TRIO: variants seen among roughly 807,000 people sequenced by gnomAD.
The protein encoded by TRIO is trio Rho guanine nucleotide exchange factor.
In TRIO, 58 loss-of-function variants were observed where a neutral mutation model predicts 351.9. That is an observed-to-expected ratio of 0.16 (90% CI 0.13 to 0.21). The LOEUF (loss-of-function observed/expected upper bound fraction) is 0.21, where lower values mean the gene tolerates loss of function less well. TRIO is among the 10% of genes least tolerant of loss of function. The probability of loss-of-function intolerance (pLI) is 1.00; values close to 1 mark genes in which losing one functional copy is unlikely to be tolerated. For missense variants in TRIO, 3,201 were observed against 4,027.8 expected, an observed-to-expected ratio of 0.79 and a Z score of 5.56; for synonymous variants, 1,758 against 1,595.7, an observed-to-expected ratio of 1.10 and a Z score of -2.42.
intron 1 of TRIO, among the ~76,000 whole-genome samples, chr5:14,150,529 T>C (rs949814054): frequency 1.3e-5 from 2 of 152,064 alleles, no homozygotes; most frequent in Admixed American, 6.6e-5. Flanking sequence ...CAAAGGATTA[T>C]ATATATGTAA....
intron 1 of TRIO, among the ~76,000 whole-genome samples, chr5:14,152,817 A>G (rs1056789452): frequency 1.3e-5 from 2 of 152,236 alleles, no homozygotes; most frequent in Non-Finnish European, 2.9e-5. Flanking sequence ...AGATCAGTGC[A>G]TCCTGATGGG....
intron 43 of TRIO, among the ~76,000 whole-genome samples, chr5:14,480,796 G>A (rs1288164816): frequency 6.6e-6 from 1 of 152,020 alleles, no homozygotes; most frequent in East Asian, 1.9e-4. Flanking sequence ...TGATAAAGTA[G>A]AACTAAGGCA....
At position 14,465,852 on chromosome 5, in the gene TRIO, T is replaced by G. The variant is rs551169788; in HGVS notation, c.5763+212T>G. 8.8e-5 allele frequency: 51 copies of G among 579,712 alleles called. No individual in the cohort carries two copies. The South Asian group carries it at 9.3e-4, about 11-fold the overall frequency. 35.9% of individuals were successfully genotyped at this position (579,712 alleles called of 1,614,324 possible). A position where few individuals can be genotyped will look rare whatever the true frequency, so the allele number is the denominator to read the frequency against. ...CCATTATTCCCACATTTGCAGTGTA[T>G]TCCCATGAAAGGACACAGATCAAAA... On this transcript the variant is annotated intron_variant, in intron 37 of 56. Transcript: ENST00000344204.
At chr5:14,506,256 A>T (rs1757674662) in intron 55 of TRIO, among the ~76,000 whole-genome samples, 1 of 152,248 alleles carries the variant, frequency 6.6e-6, no homozygotes, top group Non-Finnish European at 1.5e-5. Flanking sequence ...TCTGGGAAAC[A>T]AAATGGTTTG....
At chr5:14,182,607 T>C (rs1789855945) in intron 1 of TRIO, among the ~76,000 whole-genome samples, 1 of 152,232 alleles carries the variant, frequency 6.6e-6, no homozygotes, top group Admixed American at 6.5e-5. Flanking sequence ...AATTTACATG[T>C]AGGAGCTTGG....
intron 7 of TRIO, among the ~76,000 whole-genome samples, chr5:14,298,435 A>G (rs1178289422): frequency 6.6e-6 from 1 of 152,214 alleles, no homozygotes; most frequent in Non-Finnish European, 1.5e-5. Context: ...TGCTTAATTT[A>G]AAAAGGAAAA....
chr5:14,318,138 A>C (rs537991985), intron 9 of TRIO, among the ~76,000 whole-genome samples: 3 of 151,440 alleles, frequency 2.0e-5, no homozygotes, highest in Non-Finnish European at 4.4e-5. Context: ...AAAGAAAAAA[A>C]AAAAAATTAG....
Position 14,394,002 on chromosome 5 carries a change from A to G in TRIO, c.4219-36A>G, listed in dbSNP as rs371239373. 7.0e-5 allele frequency: 102 copies of G among 1,454,194 alleles called. No homozygotes were observed. In the African/African-American group the frequency reaches 1.4e-3, roughly 20 times the overall value. The allele number at this position is 1,454,194 out of a possible 1,614,324, so 90.1% of individuals were successfully genotyped here. A position where few individuals can be genotyped will look rare whatever the true frequency, so the allele number is the denominator to read the frequency against. On this transcript the variant is annotated intron_variant, in intron 27 of 56. Transcript: ENST00000344204. ...GGCCATGATTTAATAGTGTAGCCCT[A>G]TGATAACTCTTGTTTCTTGTTTGGT...
chr5:14,483,285 A>G (rs151291434), intron 46 of TRIO, among the ~76,000 whole-genome samples: 2 of 152,314 alleles, frequency 1.3e-5, no homozygotes, highest in African/African-American at 4.8e-5. Context: ...ATAATTGCCA[A>G]TGGCCCTCAA....
At chr5:14,354,023 C>G (rs1743384782) in intron 11 of TRIO, among the ~76,000 whole-genome samples, 1 of 152,208 alleles carries the variant, frequency 6.6e-6, no homozygotes, top group Admixed American at 6.5e-5. Context: ...GAGTTGGGTC[C>G]TTGAGTGAGG....
Position 14,381,181 on chromosome 5 carries a change from T to G in TRIO, c.3499T>G (p.Ser1167Ala), listed in dbSNP as rs1746069160. 9 of 1,614,096 alleles carry G rather than the reference T, an allele frequency of 5.6e-6. No homozygotes were observed. In the East Asian group the frequency reaches 2.0e-4, roughly 36 times the overall value. The part of the protein sequence containing the change: ...NGEFYLSTHT[S>A]TGSSIQHTQE... Reference sequence around the variant, plus strand: ...CGAGTTCTACCTTTCCACACACACCTCCACGGGCTCCAGTATACAGCACAC... The same window carrying G: ...CGAGTTCTACCTTTCCACACACACCGCCACGGGCTCCAGTATACAGCACAC... The change falls in exon 21 of 57, where the codon TCC becomes GCC. Residue 1167 changes from serine to alanine, a missense_variant. Around this residue, in one of 19 missense-constraint regions of TRIO, gnomAD observed 201 missense variants for 266.5 expected, o/e 0.75. Transcript: ENST00000344204.
chr5:14,377,845 G>GCAT (rs1299232826), intron 19 of TRIO, among the ~76,000 whole-genome samples, 167 bp from the exon 20 acceptor site: 7 of 152,116 alleles, frequency 4.6e-5, no homozygotes, highest in Non-Finnish European at 7.3e-5. Flanking sequence ...AGTGAGAAGA[G>GCAT]GTCTGGTAGA....
chr5:14,257,682 ATTAT>A (rs1018055108), intron 1 of TRIO, among the ~76,000 whole-genome samples: 5 of 152,302 alleles, frequency 3.3e-5, no homozygotes, highest in African/African-American at 1.2e-4. Context: ...TTATGGAGAA[ATTAT>A]TTATAGTCAG....
intron 5 of TRIO, among the ~76,000 whole-genome samples, chr5:14,292,116 T>C (rs1233753229): frequency 6.6e-6 from 1 of 152,244 alleles, no homozygotes; most frequent in African/African-American, 2.4e-5. Context: ...TTGGAGCTCA[T>C]TGAATTTTAT....
intron 46 of TRIO, among the ~76,000 whole-genome samples, chr5:14,484,738 G>A (rs1755792367): frequency 1.3e-5 from 2 of 152,048 alleles, no homozygotes; most frequent in African/African-American, 4.8e-5. Context: ...CTAAAGCCCT[G>A]TACCCATTAA....
intron 34 of TRIO, among the ~76,000 whole-genome samples, chr5:14,443,731 C>G (rs895573732): frequency 1.3e-5 from 2 of 152,234 alleles, no homozygotes; most frequent in African/African-American, 4.8e-5. Flanking sequence ...TATGTGCTGA[C>G]ATTGCCATTG....
At chr5:14,357,925 C>G (rs1561386079) in intron 11 of TRIO, among the ~76,000 whole-genome samples, 2 of 152,090 alleles carry the variant, frequency 1.3e-5, no homozygotes, top group African/African-American at 4.8e-5. Context: ...GACAGTGCTG[C>G]CCGCCGTTCG....
intron 33 of TRIO, among the ~76,000 whole-genome samples, chr5:14,414,224 C>G (rs959142398): frequency 2.0e-5 from 3 of 152,188 alleles, no homozygotes; most frequent in African/African-American, 7.2e-5. Flanking sequence ...GCCACAGGGC[C>G]GCCTGTGGGG....
In TRIO at chr5:14,319,848, A is replaced by T. The variant is rs1280883532; in HGVS notation, c.1731+3105A>T. Among the ~76,000 whole-genome samples the T allele has an allele frequency of 3.7e-4, 56 of 152,170 alleles. 1 individual carries two copies. The highest frequency in any genetic ancestry group is 3.7e-3 in the Admixed American group (56 of 15,278). On this transcript the variant is annotated intron_variant, in intron 9 of 56. Transcript: ENST00000344204. ...GAGTTTGGTTTGTAAAACATGGTTA[A>T]TTTTGGTTTCGAGGTTAATTTTTTC...
Sources: allele counts gnomAD v4.1 joint callset (sites outside exome capture counted in the v4.1 genomes callset), GRCh38; gene constraint gnomAD v4.1.1; regional missense constraint gnomAD v4.1.1; transcripts MANE v1.5; gene names NCBI Gene and HGNC (gene_info 2026-07-23, HGNC 2026-07-21).